CDH20: variants seen among roughly 807,000 people sequenced by gnomAD.
CDH20 encodes the protein cadherin-20.
In CDH20, 29 loss-of-function variants were observed where a neutral mutation model predicts 74.2. That is an observed-to-expected ratio of 0.39 (90% confidence interval 0.29 to 0.53). The LOEUF is 0.53. CDH20 is among the 20% of genes least tolerant of loss of function. The pLI is 0.69. For synonymous variants in CDH20, 469 were observed against 405.4 expected (o/e 1.16, Z -1.88); for missense variants, 988 against 1,048.3 (o/e 0.94, Z 0.79).
At chr18:61,395,976 CAGTGA>C (rs1911956487) in intron 1 of CDH20, among the ~76,000 whole-genome samples, 2 of 152,068 alleles carry the variant, frequency 1.3e-5, no homozygotes, top group South Asian at 2.1e-4. Flanking sequence ...ACCAGCCTTG[CAGTGA>C]AGTGAAGATT....
chr18:61,499,269 C>T lies in CDH20; in HGVS notation c.330C>T (p.Asp110=), dbSNP rs541180836. The T allele has an allele frequency of 1.2e-5, 19 of 1,613,716 alleles. No homozygotes were observed. Among genetic ancestry groups the T allele is most frequent in the Admixed American group, 5.0e-5 (3 of 59,990 alleles). ...GEGAGIVFTI[D]DTTGDIHAIQ... is the part of the protein sequence containing the mutation. The stretch of plus-strand genomic sequence containing the variant: ...GTGCTGGCATCGTGTTTACCATCGA[C>T]GACACCACTGGAGACATCCACGCCA... Residue 110 remains aspartate (D), a synonymous_variant, in exon 3 of 12, where the codon GAC becomes GAT. Transcript: ENST00000262717.
chr18:61,445,417 C>G (rs1468577527), intron 1 of CDH20, among the ~76,000 whole-genome samples: 4 of 152,148 alleles, frequency 2.6e-5, no homozygotes, highest in African/African-American at 9.7e-5. Flanking sequence ...AGCCTAACCT[C>G]TAAGTTTTCC....
chr18:61,431,187 ATC>A (rs1913239334), intron 1 of CDH20, among the ~76,000 whole-genome samples: 1 of 152,140 alleles, frequency 6.6e-6, no homozygotes, highest in African/African-American at 2.4e-5. Flanking sequence ...ACAGTGAGAA[ATC>A]TCTCTGTAAC....
intron 1 of CDH20, among the ~76,000 whole-genome samples, chr18:61,476,216 C>A (rs1256047691): frequency 1.3e-5 from 2 of 152,116 alleles, no homozygotes; most frequent in Non-Finnish European, 2.9e-5. Flanking sequence ...GCATTCACAC[C>A]AGAGCCTTGA....
At chr18:61,379,242 T>C (rs1288781949) in intron 1 of CDH20, among the ~76,000 whole-genome samples, 3 of 152,222 alleles carry the variant, frequency 2.0e-5, no homozygotes, top group Non-Finnish European at 4.4e-5. Context: ...CTAAGCCTAA[T>C]AATAATCAAG....
chr18:61,448,104 T>C (rs1318573972), intron 1 of CDH20, among the ~76,000 whole-genome samples: 1 of 152,194 alleles, frequency 6.6e-6, no homozygotes, highest in African/African-American at 2.4e-5. Context: ...ATACTGACAT[T>C]GCAGGGCACT....
At chr18:61,355,029 C>T (rs1910451191) in intron 1 of CDH20, among the ~76,000 whole-genome samples, 1 of 152,220 alleles carries the variant, frequency 6.6e-6, no homozygotes, top group Non-Finnish European at 1.5e-5. Flanking sequence ...AGAGATTGCA[C>T]TCCACCCTTA....
intron 1 of CDH20, among the ~76,000 whole-genome samples, chr18:61,357,124 T>C (rs1192310629): frequency 2.0e-5 from 3 of 152,198 alleles, no homozygotes; most frequent in African/African-American, 7.2e-5. Context: ...CTTGCCTCCC[T>C]GCTGTCTCAT....
In CDH20 at chr18:61,554,895, G is replaced by T; in HGVS notation, c.*200G>T. The T allele has an allele frequency of 7.2e-7, 1 of 1,385,542 alleles. No homozygotes were observed. The allele number at this position is 1,385,542 out of a possible 1,614,324, so 85.8% of individuals were successfully genotyped here. On this transcript the variant is annotated 3_prime_UTR_variant, in exon 12 of 12. Transcript: ENST00000262717. ...CAAAAGGAAACCCAGAAGGAAGAGGGCAGAATCTTTAATTACCTTTTTTTC... is the reference window on the plus strand; with the variant it reads ...CAAAAGGAAACCCAGAAGGAAGAGGTCAGAATCTTTAATTACCTTTTTTTC...
intron 6 of CDH20, among the ~76,000 whole-genome samples, chr18:61,513,654 C>T (rs1239566495): frequency 1.3e-5 from 2 of 152,142 alleles, no homozygotes; most frequent in African/African-American, 2.4e-5. Flanking sequence ...TTCCTCTCCA[C>T]ATTTAGCGCT....
At chr18:61,372,411 G>A (rs543600226) in intron 1 of CDH20, among the ~76,000 whole-genome samples, 10 of 151,838 alleles carry the variant, frequency 6.6e-5, no homozygotes, top group East Asian at 1.9e-4. Flanking sequence ...ATAAAGTAAC[G>A]GGTATTTCAG....
chr18:61,447,877 C>A (rs145302454), intron 1 of CDH20, among the ~76,000 whole-genome samples: 1 of 152,300 alleles, frequency 6.6e-6, no homozygotes, highest in African/African-American at 2.4e-5. Context: ...ACCACCCCAA[C>A]TAACGCTTGC....
At chr18:61,468,404 C>A in intron 1 of CDH20, among the ~76,000 whole-genome samples, 1 of 152,070 alleles carries the variant, frequency 6.6e-6, no homozygotes, top group South Asian at 2.1e-4. Context: ...CTTTTCATTT[C>A]TGTCTGTAGG....
chr18:61,425,578 A>G (rs907662645), intron 1 of CDH20, among the ~76,000 whole-genome samples: 8 of 152,226 alleles, frequency 5.3e-5, no homozygotes, highest in African/African-American at 1.9e-4. Context: ...GTTGGAGGCC[A>G]TTATTCTAAG....
chr18:61,540,497 C>G (rs771921652), intron 9 of CDH20, among the ~76,000 whole-genome samples: 1 of 152,222 alleles, frequency 6.6e-6, no homozygotes, highest in Non-Finnish European at 1.5e-5. Flanking sequence ...TACATGGCAG[C>G]AGGCAAGACA....
rs756956505 is a variant in CDH20, at chr18:61,490,720, G to T, written c.167G>T (p.Arg56Leu). The change falls in exon 2 of 12, where the codon CGG becomes CTG. Residue 56 changes from arginine to leucine, a missense_variant. By Grantham distance (102) the Arg-to-Leu change is moderately radical. Transcript: ENST00000262717. ...LLSDKPQSHQ[R>L]TKRSWVWNQF... ...TCAGACAAGCCACAGTCACATCAGC[G>T]GACCAAGAGGAGCTGGGTTTGGAAC... The T allele has an allele frequency of 6.2e-7, 1 of 1,614,010 alleles. No homozygotes were observed. The highest frequency in any genetic ancestry group is 2.2e-5 in the East Asian group (1 of 44,882).
intron 10 of CDH20, among the ~76,000 whole-genome samples, chr18:61,547,446 G>A (rs1158544366): frequency 6.6e-6 from 1 of 152,154 alleles, no homozygotes; most frequent in East Asian, 1.9e-4. Context: ...ACTATCTCCA[G>A]TAAAGCCTTT....
rs80148560 is a variant in CDH20 at position 61,466,768 on chromosome 18, A to G, written c.-152-23634A>G. Among the ~76,000 whole-genome samples the G allele has an allele frequency of 9.9e-3, 1,507 of 152,324 alleles. 18 individuals are homozygous for G. Among genetic ancestry groups the G allele is most frequent in the African/African-American group, 0.033 (1,378 of 41,568 alleles). ...CAAAGAAAGAAATTAGCGCACAACTACAGAGGTAACTCAGAATCCACACAC... is the reference window on the plus strand; with the variant it reads ...CAAAGAAAGAAATTAGCGCACAACTGCAGAGGTAACTCAGAATCCACACAC... On this transcript the variant is annotated intron_variant, in intron 1 of 11. Transcript: ENST00000262717.
At chr18:61,411,441 A>T (rs1912498616) in intron 1 of CDH20, among the ~76,000 whole-genome samples, 1 of 152,156 alleles carries the variant, frequency 6.6e-6, no homozygotes, top group East Asian at 1.9e-4. Context: ...TATATGAAAA[A>T]GATACTTGCG....
Sources: allele counts gnomAD v4.1 joint callset (sites outside exome capture counted in the v4.1 genomes callset), GRCh38; gene constraint gnomAD v4.1.1; transcripts MANE v1.5; gene names NCBI Gene and HGNC (gene_info 2026-07-23, HGNC 2026-07-21).